GTSE1: variants seen among roughly 807,000 people sequenced by gnomAD.
GTSE1 encodes the protein G2 and S-phase expressed 1, also known as G2 and S phase-expressed protein 1.
A neutral mutation model predicts 60.5 loss-of-function variants in GTSE1; 52 were observed. The observed-to-expected ratio is 0.86, with a 90% CI of 0.69 to 1.08. The LOEUF (loss-of-function observed/expected upper bound fraction) is 1.08. GTSE1 is among the 50% of genes least tolerant of loss of function. The probability of loss-of-function intolerance (pLI) is 0.00; values close to 1 mark genes in which losing one functional copy is unlikely to be tolerated. For missense variants in GTSE1, 937 were observed against 961.8 expected, an observed-to-expected ratio of 0.97 and a Z score of 0.34; for synonymous variants, 368 against 386.5, an observed-to-expected ratio of 0.95 and a Z score of 0.56.
rs1024602262 is a variant in GTSE1 at position 46,316,545 on chromosome 22, G to C, written c.1432+133G>C. ...CCAACAGTGCTTTCAGGTGTGACCC[G>C]CTGTCTTCTCGCCCACGTTGTTTTG... On this transcript the variant is annotated intron_variant, in intron 7 of 11. Coordinates refer to ENST00000454366, the MANE Select transcript of GTSE1 (RefSeq NM_016426.7). The surrounding 1 kb of genome is among the most constrained non-coding windows in gnomAD (Gnocchi z 5.0). 3 of 690,520 alleles carry C rather than the reference G, an allele frequency of 4.3e-6. No individual in the cohort carries two copies. The African/African-American group carries it at 5.4e-5, about 13-fold the overall frequency. The allele number at this position is 690,520 out of a possible 1,614,324, so 42.8% of individuals were successfully genotyped here.
intron 3 of GTSE1, 26 bp downstream of exon 3, chr22:46,308,233 G>A: frequency 6.2e-7 from 1 of 1,609,600 alleles, no homozygotes; most frequent in Non-Finnish European, 8.5e-7. Flanking sequence ...TTCTTCCCTT[G>A]CCTTGGGCAT....
intron 2 of GTSE1, among the ~76,000 whole-genome samples, chr22:46,300,159 G>A (rs933054947): frequency 1.3e-5 from 2 of 150,852 alleles, no homozygotes; most frequent in Admixed American, 6.6e-5. Context: ...GTGCAGTGGC[G>A]ACATCTTGGC....
intron 2 of GTSE1, among the ~76,000 whole-genome samples, chr22:46,306,698 G>A (rs5768460): frequency 6.6e-6 from 1 of 151,410 alleles, no homozygotes; most frequent in Non-Finnish European, 1.5e-5. Flanking sequence ...ACGTTGGCCA[G>A]GCTGATCTCG....
intron 9 of GTSE1, chr22:46,327,341 C>G (rs897384626): frequency 6.6e-6 from 1 of 152,142 alleles, no homozygotes; most frequent in Admixed American, 6.5e-5. Context: ...ACACCTCAGT[C>G]GTGTATAACC....
intron 8 of GTSE1, among the ~76,000 whole-genome samples, chr22:46,325,307 C>T (rs1193566973): frequency 6.6e-6 from 1 of 151,996 alleles, no homozygotes; most frequent in African/African-American, 2.4e-5. Context: ...AGCAATTCTC[C>T]TGCCTCAGCC....
intron 2 of GTSE1, 91 bp from the exon 3 acceptor site, chr22:46,308,059 A>C: frequency 1.2e-6 from 1 of 862,120 alleles, no homozygotes; most frequent in Non-Finnish European, 2.0e-6. Flanking sequence ...ATTTCACAGT[A>C]CCTTTATTTA....
At position 46,323,272 on chromosome 22, in the gene GTSE1, G is replaced by A. The variant is rs746741589; in HGVS notation, c.1505+10G>A. 31 of 1,603,454 alleles carry A rather than the reference G, an allele frequency of 1.9e-5. 1 individual carries two copies. Among genetic ancestry groups the A allele is most frequent in the South Asian group, 1.8e-4 (16 of 90,862 alleles). ...GCACGTCAGTTGGCAGGTGAGTGAC[G>A]TTGGTCCGCTTCCTCTCTTTATTGC... On this transcript the variant is annotated intron_variant, in intron 8 of 11. Coordinates refer to ENST00000454366, the MANE Select transcript of GTSE1 (RefSeq NM_016426.7).
At chr22:46,298,112 G>A (rs1203488487) in intron 2 of GTSE1, among the ~76,000 whole-genome samples, 3 of 151,700 alleles carry the variant, frequency 2.0e-5, no homozygotes, top group South Asian at 4.2e-4. Context: ...ACAGGCACCC[G>A]CTGCCACACC....
rs1051637074 is a variant in GTSE1 at position 46,324,175 on chromosome 22, G to T, written c.1505+913G>T. Among the ~76,000 whole-genome samples the T allele has an allele frequency of 1.3e-5, 2 of 152,030 alleles. No individual in the cohort carries two copies. The highest frequency in any genetic ancestry group is 4.8e-5 in the African/African-American group (2 of 41,376). On this transcript the variant is annotated intron_variant, in intron 8 of 11. Transcript: ENST00000454366. This position sits in a 1 kb window ranked among gnomAD's most constrained non-coding sequence, Gnocchi z 5.2. ...CCTGTGTGAGCTTGAGACACGCTTC[G>T]CGAGGTCGAACTAGCCAGTCCCTCA...
chr22:46,315,482 C>T lies in GTSE1; in HGVS notation c.1052-550C>T, dbSNP rs140666111. On this transcript the variant is annotated intron_variant, in intron 6 of 11. Transcript: ENST00000454366. ...GTGTTTGGATTACAGGCGTGAGCCA[C>T]CACTCCTGGGCTAAAGTTTTTCTTT... 9.1e-4 allele frequency among the ~76,000 whole-genome samples: 129 copies of T among 141,640 alleles called. 1 individual carries two copies. Among genetic ancestry groups the T allele is most frequent in the African/African-American group, 3.7e-3 (120 of 32,712 alleles). The allele number at this position is 141,640 out of a possible 152,430, so 92.9% of individuals were successfully genotyped here.
chr22:46,323,196 C>A lies in GTSE1; in HGVS notation c.1439C>A (p.Ser480Tyr), dbSNP rs766802772. 14 of 1,612,470 alleles carry A rather than the reference C, an allele frequency of 8.7e-6. No individual in the cohort carries two copies. The highest frequency in any genetic ancestry group is 1.3e-5 in the African/African-American group (1 of 74,900). The change falls in exon 8 of 12, where the codon TCC becomes TAC. Residue 480 changes from serine (S) to tyrosine (Y), a missense_variant. By Grantham distance (144) the Ser-to-Tyr change is moderately radical. Coordinates refer to ENST00000454366, the MANE Select transcript of GTSE1 (RefSeq NM_016426.7). ...FKIPKFSIGD[S>Y]PDSSTPKLSR... ...CTTCCTTTCTTGGACTTAGGTGACT[C>A]CCCGGACAGCTCAACACCAAAGCTT...
At chr22:46,325,970 C>T (rs957318623) in intron 8 of GTSE1, among the ~76,000 whole-genome samples, 12 of 152,246 alleles carry the variant, frequency 7.9e-5, no homozygotes, top group African/African-American at 1.9e-4. Context: ...CTGATTCAGG[C>T]GACCTTAAGC....
In GTSE1 at chr22:46,308,500, T is replaced by A. The variant is rs1159001262; in HGVS notation, c.319T>A (p.Leu107Ile). ...KFVEVYKEAH[L>I]LALHIESSSR... ...CGTGGAGGTGTACAAAGAAGCTCACTTACTGGCTTTACACATTGAGAGCAG... is the reference window on the plus strand; with the variant it reads ...CGTGGAGGTGTACAAAGAAGCTCACATACTGGCTTTACACATTGAGAGCAG... The change falls in exon 4 of 12, where the codon TTA (leucine) becomes ATA (isoleucine). Residue 107 changes from leucine (L) to isoleucine (I), a missense_variant. Physicochemically the swap from Leu to Ile is conservative, Grantham distance 5 (BLOSUM62 2). Coordinates refer to ENST00000454366, the MANE Select transcript of GTSE1 (RefSeq NM_016426.7). The A allele has an allele frequency of 6.2e-7, 1 of 1,614,190 alleles. No individual in the cohort carries two copies.
Position 46,313,778 on chromosome 22 carries a change from A to G in GTSE1, c.928-112A>G. The G allele has an allele frequency of 8.5e-7, 1 of 1,173,756 alleles. No homozygotes were observed. Among genetic ancestry groups the G allele is most frequent in the Non-Finnish European group, 1.2e-6 (1 of 809,508 alleles). 72.7% of individuals were successfully genotyped at this position (1,173,756 alleles called of 1,614,324 possible). On this transcript the variant is annotated intron_variant, in intron 5 of 11. Transcript: ENST00000454366. The surrounding 1 kb of genome is among the most constrained non-coding windows in gnomAD (Gnocchi z 4.4). ...GGCCTCAGCCTCCCAAAGTGCTGGG[A>G]TTACAGGCGTGAGCCACCGTGCCCA...
At position 46,319,606 on chromosome 22, in the gene GTSE1, G is replaced by A. The variant is rs950688729; in HGVS notation, c.1432+3194G>A. Among the ~76,000 whole-genome samples, 1 of 152,152 alleles carries A rather than the reference G, an allele frequency of 6.6e-6. No individual in the cohort carries two copies. ...GAGGCCACTTAGGCTGCAGCTGAGGGGTGGAGCAGGCTGAGAGCTCAGAGG... is the reference window on the plus strand; with the variant it reads ...GAGGCCACTTAGGCTGCAGCTGAGGAGTGGAGCAGGCTGAGAGCTCAGAGG... On this transcript the variant is annotated intron_variant, in intron 7 of 11. Transcript: ENST00000454366. The surrounding 1 kb of genome is among the most constrained non-coding windows in gnomAD (Gnocchi z 5.0).
At chr22:46,326,735 TTGCTCCAGGTTTTAG>T (rs1346847098) in intron 9 of GTSE1, 81 bp downstream of exon 9, 6 of 959,610 alleles carry the variant, frequency 6.3e-6, no homozygotes, top group Non-Finnish European at 9.2e-6. Flanking sequence ...TTTTCTTGCC[TTGCTCCAGGTTTTAG>T]TGAAGTAAAT....
chr22:46,315,973 G>C (rs2077776693), intron 6 of GTSE1, 59 bp from the exon 7 acceptor site: 12 of 1,316,634 alleles, frequency 9.1e-6, no homozygotes, highest in Non-Finnish European at 1.1e-5. Flanking sequence ...ACTTCTGTGT[G>C]TTTGTTAAAT....
At chr22:46,327,633 C>A (rs537090889) in intron 9 of GTSE1, among the ~76,000 whole-genome samples, 1 of 152,154 alleles carries the variant, frequency 6.6e-6, no homozygotes, top group Non-Finnish European at 1.5e-5. Context: ...CAAGATCGCA[C>A]CACTGCACTC....
rs772546680 is a variant in GTSE1, at chr22:46,326,507, G to A, written c.1577G>A (p.Arg526His). ...CCACAAAGCCTGCTGAGCGCATGGCGTGTGTCAGCCTTGCCCACACCCGCC... is the reference window on the plus strand; with the variant it reads ...CCACAAAGCCTGCTGAGCGCATGGCATGTGTCAGCCTTGCCCACACCCGCC... ...PAPQSLLSAW[R>H]VSALPTPASR... Residue 526 changes from arginine (R) to histidine (H), a missense_variant, in exon 9 of 12, where the codon CGT becomes CAT. Transcript: ENST00000454366. The A allele has an allele frequency of 2.3e-5, 37 of 1,613,914 alleles. No homozygotes were observed. The highest frequency in any genetic ancestry group is 1.6e-4 in the Middle Eastern group (1 of 6,084).
Sources: allele counts gnomAD v4.1 joint callset (sites outside exome capture counted in the v4.1 genomes callset), GRCh38; gene constraint gnomAD v4.1.1; non-coding constraint Gnocchi (gnomAD v3.1); transcripts MANE v1.5; gene names NCBI Gene and HGNC (gene_info 2026-07-23, HGNC 2026-07-21).